Variants in ATP11A observed in about 807,000 individuals in gnomAD.
The protein encoded by ATP11A is ATPase phospholipid transporting 11A.
ATP11A carries 81 observed loss-of-function variants against 154.4 expected under a neutral mutation model. That is an observed-to-expected ratio of 0.52 (90% confidence interval 0.44 to 0.63). The LOEUF is 0.63. ATP11A is among the 30% of genes least tolerant of loss of function. ATP11A has a pLI of 0.00. For synonymous variants in ATP11A, 623 were observed against 585.9 expected, an observed-to-expected ratio of 1.06 and a Z score of -0.91; for missense variants, 1,316 against 1,474.3, an observed-to-expected ratio of 0.89 and a Z score of 1.76.
Position 112,826,891 on chromosome 13 carries a change from G to A in ATP11A, c.1221G>A (p.Gln407=). The change falls in exon 12 of 30, where the codon CAG becomes CAA. Residue 407 remains glutamine, a splice_region_variant and synonymous_variant. Transcript: ENST00000375645. The part of the protein sequence containing the change: ...NTSDLNEELG[Q]VEYIFTDKTG... Reference sequence around the variant, plus strand: ...CGGACCTCAATGAAGAGCTGGGACAGGTTGGTGTCTCCTGAGTCATCTGCT... The same window carrying A: ...CGGACCTCAATGAAGAGCTGGGACAAGTTGGTGTCTCCTGAGTCATCTGCT... The A allele has an allele frequency of 1.2e-6, 2 of 1,614,214 alleles. No individual in the cohort carries two copies. Among genetic ancestry groups the A allele is most frequent in the Non-Finnish European group, 8.5e-7 (1 of 1,180,030 alleles).
At chr13:112,705,389 A>AGCACGCGGGGGTGCTCAGCC (rs1887030350) in intron 1 of ATP11A, among the ~76,000 whole-genome samples, 33 of 136,866 alleles carry the variant, frequency 2.4e-4, no homozygotes, top group African/African-American at 1.1e-3. Flanking sequence ...GGTGCTCAGC[A>AGCACGCGGGGGTGCTCAGCC]GTTGATGTTC....
rs1283629635 is a variant in ATP11A at position 112,877,658 on chromosome 13, G to A, written c.3328-559G>A. On this transcript the variant is annotated intron_variant, in intron 28 of 29. Coordinates refer to ENST00000375645, the MANE Select transcript of ATP11A (RefSeq NM_015205.3). Reference sequence around the variant, plus strand: ...ACCTGGCCCCTGGGTGCATGTGGCTGCAGAGGTGCTTGGTCAAAGATGCCT... The same window carrying A: ...ACCTGGCCCCTGGGTGCATGTGGCTACAGAGGTGCTTGGTCAAAGATGCCT... Among the ~76,000 whole-genome samples the A allele has an allele frequency of 2.0e-5, 3 of 152,190 alleles. No individual in the cohort carries two copies. In the East Asian group the frequency reaches 5.8e-4, roughly 29 times the overall value.
At chr13:112,855,188 G>A (rs1259707561) in intron 19 of ATP11A, among the ~76,000 whole-genome samples, 1 of 152,116 alleles carries the variant, frequency 6.6e-6, no homozygotes, top group East Asian at 1.9e-4. Flanking sequence ...TTTAGGGATT[G>A]GAGGGTTTTT....
intron 1 of ATP11A, among the ~76,000 whole-genome samples, chr13:112,771,335 G>T (rs922970690): frequency 6.6e-6 from 1 of 152,198 alleles, no homozygotes; most frequent in Non-Finnish European, 1.5e-5. Flanking sequence ...GCGCCAGGCA[G>T]AGACACCTTG....
intron 1 of ATP11A, among the ~76,000 whole-genome samples, chr13:112,765,797 G>A (rs1408791548): frequency 1.3e-5 from 2 of 152,338 alleles, no homozygotes; most frequent in South Asian, 2.1e-4. Context: ...AGATGCTCAC[G>A]AATAATTCTC....
Position 112,882,950 on chromosome 13 carries a change from C to T in ATP11A, c.*1084C>T, listed in dbSNP as rs2080916819. The stretch of plus-strand genomic sequence containing the variant: ...TGGATCCCAACAGGCAGCACCGCAC[C>T]TCTGCCCGCCTCCCGCACTGCAGCT... On this transcript the variant is annotated 3_prime_UTR_variant, in exon 30 of 30. Transcript: ENST00000375645. The surrounding 1 kb of genome is among the most constrained non-coding windows in gnomAD (Gnocchi z 5.1). The T allele has an allele frequency of 2.5e-6, 1 of 399,272 alleles. No individual in the cohort carries two copies. Among genetic ancestry groups the T allele is most frequent in the Non-Finnish European group, 4.4e-6 (1 of 226,572 alleles). The allele number at this position is 399,272 out of a possible 1,614,324, so 24.7% of individuals were successfully genotyped here.
chr13:112,735,960 C>T (rs947926900), intron 1 of ATP11A, among the ~76,000 whole-genome samples: 7 of 151,986 alleles, frequency 4.6e-5, no homozygotes, highest in East Asian at 3.9e-4. Context: ...CCCGCACCTC[C>T]GTCTGCACAT....
chr13:112,743,012 C>T (rs1055163655), intron 1 of ATP11A, among the ~76,000 whole-genome samples: 3 of 152,180 alleles, frequency 2.0e-5, no homozygotes, highest in East Asian at 3.8e-4. Flanking sequence ...ATCAGTAGCA[C>T]AGTGTATGAC....
chr13:112,755,045 G>A (rs1230935649), intron 1 of ATP11A, among the ~76,000 whole-genome samples: 3 of 152,252 alleles, frequency 2.0e-5, no homozygotes, highest in Non-Finnish European at 4.4e-5. Context: ...GGGCGCCGTC[G>A]TCAGTCCATG....
Position 112,823,352 on chromosome 13 carries a change from G to A in ATP11A, c.733G>A (p.Gly245Arg), listed in dbSNP as rs1234718619. 8.7e-6 allele frequency: 14 copies of A among 1,613,496 alleles called. No individual in the cohort carries two copies. Among genetic ancestry groups the A allele is most frequent in the Non-Finnish European group, 1.2e-5 (14 of 1,179,684 alleles). The change falls in exon 9 of 30, where the codon GGA (glycine) becomes AGA (arginine). Residue 245 changes from glycine (G) to arginine (R), a missense_variant. Physicochemically the swap from Gly to Arg is moderately radical, Grantham distance 125. Coordinates refer to ENST00000375645, the MANE Select transcript of ATP11A (RefSeq NM_015205.3). The part of the protein sequence containing the change: ...DLNDPVVRPL[G>R]SENLLLRGAT... Reference sequence around the variant, plus strand: ...ATCATCGTATCTTTACAGGCCCTTAGGATCGGAAAACCTGCTGCTTAGAGG... The same window carrying A: ...ATCATCGTATCTTTACAGGCCCTTAAGATCGGAAAACCTGCTGCTTAGAGG...
At chr13:112,869,981 C>T (rs1024197491) in intron 25 of ATP11A, among the ~76,000 whole-genome samples, 1 of 152,228 alleles carries the variant, frequency 6.6e-6, no homozygotes, top group Admixed American at 6.5e-5. Flanking sequence ...CTCCACCCCC[C>T]CATCCAAAGC....
chr13:112,732,896 A>G (rs1890639952), intron 1 of ATP11A, among the ~76,000 whole-genome samples: 1 of 152,142 alleles, frequency 6.6e-6, no homozygotes, highest in South Asian at 2.1e-4. Context: ...TACAGGTGTG[A>G]GTCACTGCAC....
chr13:112,876,663 G>A (rs927165734), intron 28 of ATP11A, among the ~76,000 whole-genome samples: 3 of 152,216 alleles, frequency 2.0e-5, no homozygotes, highest in East Asian at 3.9e-4. Flanking sequence ...ACTCCTTGAG[G>A]TGGAGCCCTG....
intron 6 of ATP11A, among the ~76,000 whole-genome samples, chr13:112,818,191 G>A (rs1480609344): frequency 6.6e-5 from 10 of 151,000 alleles, no homozygotes; most frequent in Admixed American, 1.3e-4. Context: ...CCGTCGGTGC[G>A]CTTGGTGACG....
chr13:112,863,049 C>A (rs1164753078), intron 25 of ATP11A, among the ~76,000 whole-genome samples: 75 of 147,320 alleles, frequency 5.1e-4, no homozygotes, highest in African/African-American at 1.9e-3. Flanking sequence ...TCAGTGCGGC[C>A]CATGCAGCTT....
In ATP11A at chr13:112,785,248, C is replaced by G. The variant is rs2077595691; in HGVS notation, c.153C>G (p.Val51=). The change falls in exon 2 of 30, where the codon GTC becomes GTG. Residue 51 remains valine (V), a synonymous_variant. Coordinates refer to ENST00000375645, the MANE Select transcript of ATP11A (RefSeq NM_015205.3). The surrounding 1 kb of genome is among the most constrained non-coding windows in gnomAD (Gnocchi z 4.8). ...IPQRYPDNRI[V]SSKYTFWNFI... is the part of the protein sequence containing the mutation. The stretch of plus-strand genomic sequence containing the variant: ...AGAGATACCCAGACAACAGGATCGT[C>G]TCGTCCAAGGTAACTTGGCTTGGGT... The G allele has an allele frequency of 2.6e-6, 4 of 1,527,902 alleles. No individual in the cohort carries two copies. In the East Asian group the frequency reaches 1.0e-4, roughly 38 times the overall value. The allele number at this position is 1,527,902 out of a possible 1,614,324, so 94.6% of individuals were successfully genotyped here.
At chr13:112,873,765 G>A (rs945777317) in intron 27 of ATP11A, 89 bp downstream of exon 27, 8 of 1,323,130 alleles carry the variant, frequency 6.0e-6, no homozygotes, top group Non-Finnish European at 8.5e-6. Flanking sequence ...TTTCCGTGCG[G>A]CCCTGTTGGT....
chr13:112,797,848 A>G (rs1462234757), intron 2 of ATP11A, among the ~76,000 whole-genome samples: 2 of 152,352 alleles, frequency 1.3e-5, no homozygotes, highest in East Asian at 1.9e-4. Flanking sequence ...ACACAGCACT[A>G]AAGTGTGAGT....
intron 17 of ATP11A, among the ~76,000 whole-genome samples, chr13:112,847,104 C>T (rs377736375): frequency 7.2e-5 from 11 of 152,212 alleles, no homozygotes; most frequent in African/African-American, 1.7e-4. Flanking sequence ...TCACTGGCTC[C>T]GGCTACGTTC....
Sources: allele counts gnomAD v4.1 joint callset (sites outside exome capture counted in the v4.1 genomes callset), GRCh38; gene constraint gnomAD v4.1.1; non-coding constraint Gnocchi (gnomAD v3.1); transcripts MANE v1.5; gene names NCBI Gene and HGNC (gene_info 2026-07-23, HGNC 2026-07-21).